Variants in CACNA2D1 observed in about 807,000 individuals in gnomAD.
The protein encoded by CACNA2D1 is calcium voltage-gated channel auxiliary subunit alpha2delta 1.
Under a neutral mutation model 171.5 loss-of-function variants are expected in CACNA2D1, and 53 were observed. The ratio of observed to expected loss-of-function variants is 0.31; its 90% CI spans 0.25 to 0.39. The LOEUF (loss-of-function observed/expected upper bound fraction) is 0.39. Ranked by LOEUF, CACNA2D1 falls within the 10% of genes least tolerant of loss-of-function variation. The pLI is 1.00. For missense variants in CACNA2D1, 903 were observed against 1,299.8 expected (o/e 0.69, Z 4.69); for synonymous variants, 442 against 443.1 (o/e 1.00, Z 0.03).
At chr7:82,410,814 T>G (rs1363255139) in intron 1 of CACNA2D1, among the ~76,000 whole-genome samples, 2 of 152,226 alleles carry the variant, frequency 1.3e-5, no homozygotes, top group Admixed American at 1.3e-4. Flanking sequence ...ACTTTCTATA[T>G]CCCTCACTTT....
At chr7:82,131,760 A>C (rs1584862394) in intron 5 of CACNA2D1, among the ~76,000 whole-genome samples, 1 of 152,216 alleles carries the variant, frequency 6.6e-6, no homozygotes, top group Non-Finnish European at 1.5e-5. Context: ...ATACATAGCT[A>C]AACTAGCATG....
intron 3 of CACNA2D1, among the ~76,000 whole-genome samples, chr7:82,255,430 TTATAAA>T (rs1806181103): frequency 6.6e-6 from 1 of 152,200 alleles, no homozygotes; most frequent in Non-Finnish European, 1.5e-5. Flanking sequence ...GGTGAGCACT[TTATAAA>T]TATGTCATGT....
intron 1 of CACNA2D1, among the ~76,000 whole-genome samples, chr7:82,364,488 C>T (rs1399126067): frequency 6.6e-6 from 1 of 152,102 alleles, no homozygotes; most frequent in Non-Finnish European, 1.5e-5. Context: ...TAGTTTCTTG[C>T]CCTGGGATAC....
chr7:82,303,119 G>C (rs1010657312), intron 3 of CACNA2D1, among the ~76,000 whole-genome samples: 7 of 152,032 alleles, frequency 4.6e-5, no homozygotes, highest in Non-Finnish European at 7.4e-5. Flanking sequence ...TCAGCCTCCT[G>C]AGTAGCTGGG....
chr7:82,244,981 A>G (rs964547394), intron 3 of CACNA2D1, among the ~76,000 whole-genome samples: 3 of 152,196 alleles, frequency 2.0e-5, no homozygotes, highest in African/African-American at 7.2e-5. Flanking sequence ...ACTGCTGCAG[A>G]CAATTGCAAT....
chr7:82,178,455 C>T (rs1230266492), intron 3 of CACNA2D1, among the ~76,000 whole-genome samples: 1 of 152,056 alleles, frequency 6.6e-6, no homozygotes. Context: ...ATATAATTTG[C>T]AGCTCTACGT....
At chr7:82,121,837 C>T (rs570457389) in intron 5 of CACNA2D1, among the ~76,000 whole-genome samples, 2 of 151,976 alleles carry the variant, frequency 1.3e-5, no homozygotes, top group South Asian at 2.1e-4. Flanking sequence ...AGATTATGCC[C>T]ATTCTTCAGG....
chr7:82,150,192 G>GTCTCTAGAA (rs1290061423), intron 4 of CACNA2D1, among the ~76,000 whole-genome samples: 1 of 149,490 alleles, frequency 6.7e-6, no homozygotes, highest in Non-Finnish European at 1.5e-5. Context: ...GACAAATACG[G>GTCTCTAGAA]TCTCTAGAAT....
intron 15 of CACNA2D1, 46 bp downstream of exon 15, chr7:82,012,108 G>T (rs1433685272): frequency 1.8e-6 from 2 of 1,086,300 alleles, no homozygotes; most frequent in South Asian, 1.2e-5. Context: ...AATCATCTGT[G>T]TGCTTTTGTT....
At position 82,072,588 on chromosome 7, in the gene CACNA2D1, A is replaced by G. The variant is rs187340089; in HGVS notation, c.659-6064T>C. Among the ~76,000 whole-genome samples the G allele has an allele frequency of 4.8e-4, 72 of 151,272 alleles. No individual in the cohort carries two copies. The Middle Eastern group carries it at 0.02, about 43-fold the overall frequency. On this transcript the variant is annotated intron_variant, in intron 7 of 38. Coordinates refer to ENST00000356860, the MANE Select transcript of CACNA2D1 (RefSeq NM_000722.4). ...TAAAGCTTTATGGCTTAGAACCATC[A>G]AGGAGATTCACAAGCAGAAGACAAG...
chr7:82,372,311 C>T (rs1822504260), intron 1 of CACNA2D1, among the ~76,000 whole-genome samples: 1 of 151,954 alleles, frequency 6.6e-6, no homozygotes, highest in Admixed American at 6.6e-5. Context: ...GGCAACATCC[C>T]CAAAATTAAA....
chr7:82,341,124 C>T (rs181788597), intron 2 of CACNA2D1, among the ~76,000 whole-genome samples: 44 of 152,024 alleles, frequency 2.9e-4, no homozygotes, highest in Admixed American at 5.2e-4. Context: ...TACTTGTTCC[C>T]TAGCAACTAA....
At chr7:81,986,439 AG>A in intron 21 of CACNA2D1, among the ~76,000 whole-genome samples, 1 of 152,220 alleles carries the variant, frequency 6.6e-6, no homozygotes, top group Middle Eastern at 3.4e-3. Flanking sequence ...AGCCTCACGT[AG>A]CCCCAGTTTT....
intron 1 of CACNA2D1, among the ~76,000 whole-genome samples, chr7:82,433,541 C>T (rs187982498): frequency 9.9e-5 from 15 of 152,228 alleles, no homozygotes; most frequent in African/African-American, 3.4e-4. Flanking sequence ...ATTCTCAAGG[C>T]TGTTTCATAT....
intron 24 of CACNA2D1, among the ~76,000 whole-genome samples, chr7:81,976,809 A>T (rs1201572252): frequency 6.6e-6 from 1 of 152,196 alleles, no homozygotes; most frequent in Non-Finnish European, 1.5e-5. Flanking sequence ...AGCAGAGATC[A>T]TGCCATTACA....
chr7:82,355,602 C>T (rs1820329725), intron 1 of CACNA2D1, among the ~76,000 whole-genome samples: 1 of 152,086 alleles, frequency 6.6e-6, no homozygotes, highest in Non-Finnish European at 1.5e-5. Context: ...TATCCTTTTC[C>T]TAACTAGTGT....
Position 81,982,363 on chromosome 7 carries a change from G to A in CACNA2D1, c.1955+204C>T, listed in dbSNP as rs116560462. Among the ~76,000 whole-genome samples, 804 of 152,216 alleles carry A rather than the reference G, an allele frequency of 5.3e-3. 5 individuals carry two copies. The highest frequency in any genetic ancestry group is 0.018 in the African/African-American group (762 of 41,534). ...CAGATGGTCTTGATCTTTTGACCTT[G>A]TGATCCACCAGCTTCGGCCTCTCGT... On this transcript the variant is annotated intron_variant, in intron 24 of 38. Transcript: ENST00000356860.
chr7:82,306,605 C>T (rs1282843307), intron 3 of CACNA2D1, among the ~76,000 whole-genome samples: 1 of 152,112 alleles, frequency 6.6e-6, no homozygotes, highest in Non-Finnish European at 1.5e-5. Context: ...AAATACCATC[C>T]TTAACCTGTG....
chr7:82,317,977 A>G (rs1043263506), intron 3 of CACNA2D1, among the ~76,000 whole-genome samples: 7 of 151,216 alleles, frequency 4.6e-5, no homozygotes, highest in African/African-American at 1.7e-4. Flanking sequence ...TTGCCCTCTC[A>G]TATGATGCCT....
Sources: gnomAD v4.1 joint callset for allele counts (sites outside exome capture counted in the v4.1 genomes callset) on GRCh38, gnomAD v4.1.1 for gene constraint, MANE v1.5 for transcripts, NCBI Gene and HGNC (gene_info 2026-07-23, HGNC 2026-07-21) for gene names.